HPSE2: variants seen among roughly 807,000 people sequenced by gnomAD.
The protein encoded by HPSE2 is inactive heparanase-2.
A neutral mutation model predicts 60.5 loss-of-function variants in HPSE2; 38 were observed. The observed-to-expected ratio is 0.63, with a 90% confidence interval of 0.48 to 0.82. The LOEUF (loss-of-function observed/expected upper bound fraction) is 0.82. HPSE2 is among the 40% of genes least tolerant of loss of function. The pLI is 0.00. For missense variants in HPSE2, 713 were observed against 740.4 expected (o/e 0.96, Z 0.43); for synonymous variants, 295 against 293.2 (o/e 1.01, Z -0.06).
At chr10:98,791,958 C>T (rs1950663859) in intron 3 of HPSE2, among the ~76,000 whole-genome samples, 1 of 152,102 alleles carries the variant, frequency 6.6e-6, no homozygotes, top group South Asian at 2.1e-4. Flanking sequence ...TATGAAATTA[C>T]CCCGTTCTCA....
rs190462417 is a variant in HPSE2, at chr10:98,512,477, C to T, written c.1321-22281G>A. ...GCGGGTGCCTGTAGTCCCAGCTACT[C>T]GGGAGGCTGAGGTGGGAGAATGGCA... On this transcript the variant is annotated intron_variant, in intron 9 of 11. Coordinates refer to ENST00000370552, the MANE Select transcript of HPSE2 (RefSeq NM_021828.5). 2.0e-3 allele frequency among the ~76,000 whole-genome samples: 307 copies of T among 151,316 alleles called. 2 individuals are homozygous for T. In the Middle Eastern group the frequency reaches 0.038, roughly 19 times the overall value.
intron 6 of HPSE2, among the ~76,000 whole-genome samples, chr10:98,675,360 A>C (rs897533356): frequency 6.6e-6 from 1 of 152,168 alleles, no homozygotes; most frequent in Non-Finnish European, 1.5e-5. Flanking sequence ...AGAATTCAAA[A>C]CCAGATAGTC....
chr10:99,003,146 C>T (rs1015729832), intron 3 of HPSE2, among the ~76,000 whole-genome samples: 1 of 151,960 alleles, frequency 6.6e-6, no homozygotes, highest in Non-Finnish European at 1.5e-5. Flanking sequence ...ATATAATGTC[C>T]TCCATGTTCA....
At chr10:98,811,253 G>A (rs573541435) in intron 3 of HPSE2, among the ~76,000 whole-genome samples, 1 of 151,996 alleles carries the variant, frequency 6.6e-6, no homozygotes, top group Non-Finnish European at 1.5e-5. Context: ...TCTCATTCAC[G>A]ATATTCCCTA....
At chr10:98,884,576 C>G (rs1190224467) in intron 3 of HPSE2, among the ~76,000 whole-genome samples, 22 of 152,136 alleles carry the variant, frequency 1.4e-4, no homozygotes, top group Non-Finnish European at 1.8e-4. Flanking sequence ...TCTACTCCAT[C>G]TGTGCTCTAT....
At chr10:98,858,102 A>G (rs1157137069) in intron 3 of HPSE2, among the ~76,000 whole-genome samples, 1 of 152,210 alleles carries the variant, frequency 6.6e-6, no homozygotes, top group Non-Finnish European at 1.5e-5. Context: ...CTTATAGAGA[A>G]GCTAACTGAG....
intron 2 of HPSE2, among the ~76,000 whole-genome samples, chr10:99,204,929 T>G (rs534421320): frequency 2.0e-5 from 3 of 152,358 alleles, no homozygotes; most frequent in Admixed American, 1.3e-4. Context: ...TAACAAAGAA[T>G]GAAATGTCCT....
intron 5 of HPSE2, among the ~76,000 whole-genome samples, chr10:98,700,349 A>G (rs954692634): frequency 2.3e-5 from 3 of 130,070 alleles, no homozygotes; most frequent in African/African-American, 7.6e-5. Flanking sequence ...GCATATCTAC[A>G]ACTATCTGAT....
chr10:98,692,838 AG>A (rs1488772749), intron 6 of HPSE2, among the ~76,000 whole-genome samples: 1 of 152,230 alleles, frequency 6.6e-6, no homozygotes, highest in Non-Finnish European at 1.5e-5. Context: ...CTTGTTTTTT[AG>A]GGAACTTAGT....
chr10:98,500,772 C>A (rs1235744413), intron 9 of HPSE2, among the ~76,000 whole-genome samples: 1 of 151,786 alleles, frequency 6.6e-6, no homozygotes, highest in Non-Finnish European at 1.5e-5. Context: ...ATTGATAGAC[C>A]ATTAGCAAGA....
chr10:99,172,585 T>C lies in HPSE2; in HGVS notation c.449-28186A>G, dbSNP rs1261314502. 3.9e-5 allele frequency among the ~76,000 whole-genome samples: 6 copies of C among 152,164 alleles called. No individual in the cohort carries two copies. In the East Asian group the frequency reaches 1.2e-3, roughly 29 times the overall value. On this transcript the variant is annotated intron_variant, in intron 2 of 11. Coordinates refer to ENST00000370552, the MANE Select transcript of HPSE2 (RefSeq NM_021828.5). ...AAACATGTAAGAACAGAAATAACTC[T>C]GAAACAATATAGTAAGTACTTATAA...
At chr10:98,522,507 G>C (rs1942830147) in intron 9 of HPSE2, among the ~76,000 whole-genome samples, 2 of 152,160 alleles carry the variant, frequency 1.3e-5, no homozygotes, top group African/African-American at 2.4e-5. Flanking sequence ...ATGGAATCTT[G>C]CTCTGTCACC....
chr10:98,490,605 TC>T (rs1941610915), intron 9 of HPSE2, among the ~76,000 whole-genome samples: 1 of 152,224 alleles, frequency 6.6e-6, no homozygotes, highest in African/African-American at 2.4e-5. Flanking sequence ...TTATTTCCAT[TC>T]CTTAGAATTG....
At chr10:98,561,337 G>A (rs193004174) in intron 9 of HPSE2, among the ~76,000 whole-genome samples, 100 of 152,026 alleles carry the variant, frequency 6.6e-4, no homozygotes, top group African/African-American at 2.3e-3. Context: ...CCAGGCCAAC[G>A]TGTGTGTTTC....
intron 7 of HPSE2, among the ~76,000 whole-genome samples, chr10:98,626,015 A>C (rs1946198281): frequency 6.6e-6 from 1 of 151,856 alleles, no homozygotes; most frequent in African/African-American, 2.4e-5. Flanking sequence ...CTGAGGCGGA[A>C]GAACTGCGTG....
At chr10:98,484,176 C>T (rs1450230046) in intron 10 of HPSE2, among the ~76,000 whole-genome samples, 13 of 150,866 alleles carry the variant, frequency 8.6e-5, no homozygotes, top group African/African-American at 3.2e-4. Context: ...GCCTGCCTGC[C>T]TTCCTTTCTT....
intron 3 of HPSE2, among the ~76,000 whole-genome samples, chr10:99,103,758 A>G (rs1844118965): frequency 6.6e-6 from 1 of 152,196 alleles, no homozygotes; most frequent in Admixed American, 6.5e-5. Flanking sequence ...AGTAACCAAA[A>G]CAGCATGGTA....
chr10:98,778,462 T>C (rs1950396096), intron 3 of HPSE2, among the ~76,000 whole-genome samples: 1 of 151,968 alleles, frequency 6.6e-6, no homozygotes, highest in Non-Finnish European at 1.5e-5. Flanking sequence ...TCTACACAGT[T>C]AGTGCGGGAT....
At chr10:98,543,255 ATACTT>A (rs1408887726) in intron 9 of HPSE2, among the ~76,000 whole-genome samples, 1 of 152,200 alleles carries the variant, frequency 6.6e-6, no homozygotes, top group East Asian at 1.9e-4. Flanking sequence ...GAGAAATAAA[ATACTT>A]TACAGACAAG....
Sources: allele counts gnomAD v4.1 joint callset (sites outside exome capture counted in the v4.1 genomes callset), GRCh38; gene constraint gnomAD v4.1.1; transcripts MANE v1.5; gene names NCBI Gene and HGNC (gene_info 2026-07-23, HGNC 2026-07-21).